The following SUN2 variants were observed in gnomAD, a reference collection of about 807,000 sequenced individuals.
SUN2 encodes Sad1 and UNC84 domain containing 2.
A neutral mutation model predicts 100.0 loss-of-function variants in SUN2; 60 were observed. The observed-to-expected ratio is 0.60, with a 90% CI of 0.49 to 0.74. The LOEUF is 0.74. SUN2 is among the 30% of genes least tolerant of loss of function. SUN2 has a pLI of 0.00. For missense variants in SUN2, 834 were observed against 954.6 expected (o/e 0.87, Z 1.66); for synonymous variants, 367 against 403.3 (o/e 0.91, Z 1.08).
chr22:38,745,775 A>G lies in SUN2; in HGVS notation c.722T>C (p.Phe241Ser), dbSNP rs1459995780. 6.2e-7 allele frequency: 1 copy of G among 1,614,066 alleles called. No homozygotes were observed. Among genetic ancestry groups the G allele is most frequent in the Non-Finnish European group, 8.5e-7 (1 of 1,180,016 alleles). Reference protein sequence around the residue: ...WYFYPYGLQTFHPALVSWWAA... With the variant: ...WYFYPYGLQTSHPALVSWWAA... The stretch of plus-strand genomic sequence containing the variant: ...CCACCAGGAAACCAAAGCAGGGTGG[A>G]ATGTCTGCAGCCCATAGGGGTAGAA... Residue 241 changes from phenylalanine to serine, a missense_variant, in exon 8 of 18, where the codon TTC (phenylalanine) becomes TCC (serine). By Grantham distance (155) the Phe-to-Ser change is radical. Coordinates refer to ENST00000689035, the MANE Select transcript of SUN2 (RefSeq NM_015374.3).
In SUN2 at chr22:38,740,083, G is replaced by T; in HGVS notation, c.1357-140C>A. 1.7e-6 allele frequency: 2 copies of T among 1,210,178 alleles called. No homozygotes were observed. Among genetic ancestry groups the T allele is most frequent in the Non-Finnish European group, 2.3e-6 (2 of 880,518 alleles). The allele number at this position is 1,210,178 out of a possible 1,614,324, so 75.0% of individuals were successfully genotyped here. ...GAGGAAAGAGTTATGAACACTCCAT[G>T]GGCACTAACAAAAACAGGAAGAACG... is the stretch of plus-strand genomic sequence containing the variant. On this transcript the variant is annotated intron_variant, in intron 12 of 17. Coordinates refer to ENST00000689035, the MANE Select transcript of SUN2 (RefSeq NM_015374.3). The surrounding 1 kb of genome is among the most constrained non-coding windows in gnomAD (Gnocchi z 4.8).
chr22:38,749,831 C>T lies in SUN2; in HGVS notation c.549G>A (p.Trp183Ter), dbSNP rs746473215. ...PGRLFRLLYW[W>*]AGTTWYRLTT... ...TCAGGCGGTACCAGGTGGTGCCAGC[C>T]CACCAGTAGAGAAGTCTGAAGAGCC... The change falls in exon 6 of 18, where the codon TGG (tryptophan) becomes TGA (stop). Residue 183 changes from tryptophan (W) to a stop codon, truncating the protein, a stop_gained. Transcript: ENST00000689035. LOFTEE classifies it high-confidence loss of function. The T allele has an allele frequency of 6.2e-7, 1 of 1,613,788 alleles. No individual in the cohort carries two copies. Among genetic ancestry groups the T allele is most frequent in the Non-Finnish European group, 8.5e-7 (1 of 1,179,982 alleles).
Position 38,755,971 on chromosome 22 carries a change from C to A in SUN2, c.-246G>T. 1.0e-6 allele frequency: 1 copy of A among 983,570 alleles called. No individual in the cohort carries two copies. The highest frequency in any genetic ancestry group is 1.2e-6 in the Non-Finnish European group (1 of 829,264). 60.9% of individuals were successfully genotyped at this position (983,570 alleles called of 1,614,324 possible). ...ATGCGGCCGGCGGAGGCCCGCGCTG[C>A]GCGAGTGGGGCCGGGCGGCGCGCGT... On this transcript the variant is annotated 5_prime_UTR_variant, in exon 1 of 18. Coordinates refer to ENST00000689035, the MANE Select transcript of SUN2 (RefSeq NM_015374.3). This position sits in a 1 kb window ranked among gnomAD's most constrained non-coding sequence, Gnocchi z 5.7.
At chr22:38,744,696 G>A (rs2092889187) in intron 8 of SUN2, among the ~76,000 whole-genome samples, 1 of 152,218 alleles carries the variant, frequency 6.6e-6, no homozygotes, top group East Asian at 1.9e-4. Flanking sequence ...AATAAAGACA[G>A]GGCCTCACTG....
rs2097039562 is a variant in SUN2 at position 38,737,432 on chromosome 22, C to T, written c.2040+741G>A. 3.9e-5 allele frequency among the ~76,000 whole-genome samples: 6 copies of T among 152,318 alleles called. No homozygotes were observed. In the South Asian group the frequency reaches 1.2e-3, roughly 32 times the overall value. On this transcript the variant is annotated intron_variant, in intron 17 of 17. Transcript: ENST00000689035. This position sits in a 1 kb window ranked among gnomAD's most constrained non-coding sequence, Gnocchi z 4.1. ...CTATCCTGTTCTGGCTGCTTTCCCT[C>T]AACCACTTCCTGACGGGTCTCCCAG...
intron 2 of SUN2, among the ~76,000 whole-genome samples, chr22:38,752,253 A>G (rs931853695): frequency 6.6e-6 from 1 of 152,076 alleles, no homozygotes; most frequent in South Asian, 2.1e-4. Context: ...ACCGCGCCCG[A>G]CCTACCACTT....
chr22:38,750,211 G>A lies in SUN2; in HGVS notation c.520+14C>T, dbSNP rs556130407. 1.1e-5 allele frequency: 17 copies of A among 1,607,344 alleles called. No individual in the cohort carries two copies. The highest frequency in any genetic ancestry group is 4.0e-5 in the African/African-American group (3 of 74,926). ...ACCAAGAATGGAAGTAACTGGGCAC[G>A]GGTTGCAGCCCACCTGGCGAAGTGG... On this transcript the variant is annotated intron_variant, in intron 5 of 17. Coordinates refer to ENST00000689035, the MANE Select transcript of SUN2 (RefSeq NM_015374.3).
chr22:38,743,587 C>CCA, intron 8 of SUN2: 1 of 84,976 alleles, frequency 1.2e-5, no homozygotes, highest in South Asian at 4.1e-4. Context: ...GACTCCGTCT[C>CCA]AAAAAAAAAA....
chr22:38,736,178 G>T lies in SUN2; in HGVS notation c.*89C>A. 7.9e-7 allele frequency: 1 copy of T among 1,262,668 alleles called. No homozygotes were observed. Among genetic ancestry groups the T allele is most frequent in the Non-Finnish European group, 1.2e-6 (1 of 866,646 alleles). The allele number at this position is 1,262,668 out of a possible 1,614,324, so 78.2% of individuals were successfully genotyped here. A position where few individuals can be genotyped will look rare whatever the true frequency, so the allele number is the denominator to read the frequency against. ...AGGCTCCTCTCTTGTGCTCCTAGAA[G>T]TCAGAGCGCCGAGCAAGCGTGTGGG... is the stretch of plus-strand genomic sequence containing the variant. On this transcript the variant is annotated 3_prime_UTR_variant, in exon 18 of 18. Coordinates refer to ENST00000689035, the MANE Select transcript of SUN2 (RefSeq NM_015374.3).
chr22:38,744,989 C>T (rs991542344), intron 8 of SUN2: 1 of 467,940 alleles, frequency 2.1e-6, no homozygotes, highest in African/African-American at 2.0e-5. Flanking sequence ...CTTGTGGGCT[C>T]TCTTGCTGAG....
intron 17 of SUN2, 62 bp from the exon 18 acceptor site, chr22:38,736,442 G>A: frequency 1.4e-6 from 2 of 1,400,590 alleles, no homozygotes; most frequent in South Asian, 2.6e-5. Flanking sequence ...TGACAGAGAA[G>A]GTGGGAAGGG....
chr22:38,755,328 C>G lies in SUN2; in HGVS notation c.-38+435G>C. On this transcript the variant is annotated intron_variant, in intron 1 of 17. Coordinates refer to ENST00000689035, the MANE Select transcript of SUN2 (RefSeq NM_015374.3). The surrounding 1 kb of genome is among the most constrained non-coding windows in gnomAD (Gnocchi z 5.7). ...TGGCTCTCTAAGTCACACCGCGCCC[C>G]CCATTGCTTTGTTTTGTTTTGTTTT... The G allele has an allele frequency of 9.1e-7, 1 of 1,094,934 alleles. No individual in the cohort carries two copies. The highest frequency in any genetic ancestry group is 1.1e-6 in the Non-Finnish European group (1 of 893,524). 67.8% of individuals were successfully genotyped at this position (1,094,934 alleles called of 1,614,324 possible). A position where few individuals can be genotyped will look rare whatever the true frequency, so the allele number is the denominator to read the frequency against.
chr22:38,742,709 C>CA, intron 8 of SUN2, 154 bp from the exon 9 acceptor site: 1 of 979,114 alleles, frequency 1.0e-6, no homozygotes. Context: ...AGCTCGTGGG[C>CA]AGGGGCTGCC....
At chr22:38,754,896 AC>A in intron 1 of SUN2, 1 of 1,289,332 alleles carries the variant, frequency 7.8e-7, no homozygotes, top group South Asian at 1.2e-5. Flanking sequence ...AAAACAGTTT[AC>A]CATTGAGTCT....
chr22:38,749,007 CTGA>C (rs1320746430), intron 6 of SUN2: 1 of 492,018 alleles, frequency 2.0e-6, no homozygotes, highest in Non-Finnish European at 3.7e-6. Flanking sequence ...CTGAATTTTA[CTGA>C]TGTTATTAAA....
At chr22:38,752,746 A>G in intron 1 of SUN2, 81 bp from the exon 2 acceptor site, 5 of 1,454,472 alleles carry the variant, frequency 3.4e-6, no homozygotes, top group African/African-American at 1.4e-5. Flanking sequence ...GGACAGAGGC[A>G]TCGCCTCACA....
chr22:38,752,252 G>C (rs921838508), intron 2 of SUN2, among the ~76,000 whole-genome samples: 1 of 152,160 alleles, frequency 6.6e-6, no homozygotes, highest in East Asian at 1.9e-4. Flanking sequence ...CACCGCGCCC[G>C]ACCTACCACT....
At position 38,738,012 on chromosome 22, in the gene SUN2, G is replaced by T. The variant is rs764256348; in HGVS notation, c.2040+161C>A. 3 of 737,188 alleles carry T rather than the reference G, an allele frequency of 4.1e-6. No individual in the cohort carries two copies. The Admixed American group carries it at 6.0e-5, about 15-fold the overall frequency. The allele number at this position is 737,188 out of a possible 1,614,324, so 45.7% of individuals were successfully genotyped here. A position where few individuals can be genotyped will look rare whatever the true frequency, so the allele number is the denominator to read the frequency against. ...TCCCCTGTGCTGACGTCTGCAGGAT[G>T]CGTGTTACACCCCATTTGGATATCA... On this transcript the variant is annotated intron_variant, in intron 17 of 17. Transcript: ENST00000689035. This position sits in a 1 kb window ranked among gnomAD's most constrained non-coding sequence, Gnocchi z 6.6.
In SUN2 at chr22:38,739,749, T is replaced by G. The variant is rs746204655; in HGVS notation, c.1551A>C (p.Lys517Asn). Residue 517 changes from lysine (K) to asparagine (N), a missense_variant, in exon 13 of 18, where the codon AAA becomes AAC. Lys to Asn is a moderately conservative substitution (Grantham distance 94, BLOSUM62 0). This residue lies in a region of SUN2 where 195 missense variants were observed against 280.2 expected (regional missense o/e 0.70). Coordinates refer to ENST00000689035, the MANE Select transcript of SUN2 (RefSeq NM_015374.3). This position sits in a 1 kb window ranked among gnomAD's most constrained non-coding sequence, Gnocchi z 6.7. ...CCTCTGTCACTCCAATCACACCTTC[T>G]TTCTGCAGCGTCAGGCTCAGGGAGG... ...AAASLSLTLQ[K>N]EGVIGVTEEQ... 1.9e-6 allele frequency: 3 copies of G among 1,613,700 alleles called. No homozygotes were observed. Among genetic ancestry groups the G allele is most frequent in the Non-Finnish European group, 8.5e-7 (1 of 1,180,002 alleles).
Sources: allele counts gnomAD v4.1 joint callset (sites outside exome capture counted in the v4.1 genomes callset), GRCh38; gene constraint gnomAD v4.1.1; regional missense constraint gnomAD v4.1.1; non-coding constraint Gnocchi (gnomAD v3.1); transcripts MANE v1.5; gene names NCBI Gene and HGNC (gene_info 2026-07-23, HGNC 2026-07-21).